The following DDX60L variants were observed in gnomAD, a reference collection of about 807,000 sequenced individuals.
DDX60L encodes probable ATP-dependent RNA helicase DDX60-like.
Under a neutral mutation model 211.6 loss-of-function variants are expected in DDX60L, and 191 were observed. That is an observed-to-expected ratio of 0.90 (90% CI 0.80 to 1.02). The LOEUF is 1.02. DDX60L is among the 50% of genes least tolerant of loss of function. The pLI is 0.00. For missense variants in DDX60L, 2,007 were observed against 1,984.1 expected (o/e 1.01, Z -0.22); for synonymous variants, 706 against 694.1 (o/e 1.02, Z -0.27).
At chr4:168,466,555 C>T (rs1315456232) in intron 4 of DDX60L, among the ~76,000 whole-genome samples, 3 of 152,072 alleles carry the variant, frequency 2.0e-5, no homozygotes, top group Non-Finnish European at 2.9e-5. Flanking sequence ...ATTTATCATT[C>T]GAAAATAGAG....
In DDX60L at chr4:168,378,472, G is replaced by T; in HGVS notation, c.4367C>A (p.Ser1456Ter). ...HNLCKPAWKG[S>*]QQFSQDVMEK... ...CATCACATCTTGGGAAAATTGTTGT[G>T]AGCCTATTGAAATAAAGAGCATTAT... is the stretch of plus-strand genomic sequence containing the variant. The change falls in exon 33 of 38, where the codon TCA becomes TAA. Residue 1456 changes from serine to a stop codon, truncating the protein, a stop_gained. Coordinates refer to ENST00000682922, the MANE Select transcript of DDX60L (RefSeq NM_001012967.3). LOFTEE classifies it high-confidence loss of function. 6.4e-7 allele frequency: 1 copy of T among 1,557,444 alleles called. No individual in the cohort carries two copies. Among genetic ancestry groups the T allele is most frequent in the Non-Finnish European group, 8.7e-7 (1 of 1,149,990 alleles).
At chr4:168,479,104 G>T (rs1427954576) in intron 1 of DDX60L, among the ~76,000 whole-genome samples, 1 of 149,220 alleles carries the variant, frequency 6.7e-6, no homozygotes, top group East Asian at 2.0e-4. Flanking sequence ...TGGATGGACG[G>T]ATGGTTGGAT....
In DDX60L at chr4:168,405,830, G is replaced by C. The variant is rs533885662; in HGVS notation, c.3213+120C>G. ...ACTCACTGGATAACATGTTTAAATG[G>C]AATTACTAAAACAAAAATCGGAATA... is the stretch of plus-strand genomic sequence containing the variant. On this transcript the variant is annotated intron_variant, in intron 24 of 37. Coordinates refer to ENST00000682922, the MANE Select transcript of DDX60L (RefSeq NM_001012967.3). The C allele has an allele frequency of 7.4e-6, 8 of 1,082,168 alleles. No homozygotes were observed. In the South Asian group the frequency reaches 1.4e-4, roughly 19 times the overall value. The allele number at this position is 1,082,168 out of a possible 1,614,324, so 67.0% of individuals were successfully genotyped here.
At chr4:168,436,092 C>G (rs1050952337) in intron 10 of DDX60L, among the ~76,000 whole-genome samples, 18 of 152,096 alleles carry the variant, frequency 1.2e-4, no homozygotes, top group Non-Finnish European at 2.4e-4. Flanking sequence ...CCTGGGGGAG[C>G]CTTTGTGAAT....
intron 9 of DDX60L, among the ~76,000 whole-genome samples, chr4:168,447,814 T>A (rs1755050274): frequency 7.3e-6 from 1 of 137,412 alleles, no homozygotes; most frequent in African/African-American, 2.8e-5. Context: ...CACTCATAGG[T>A]GGGAATTGAA....
intron 1 of DDX60L, among the ~76,000 whole-genome samples, chr4:168,477,177 A>T (rs997312614): frequency 1.3e-5 from 2 of 152,182 alleles, no homozygotes; most frequent in Non-Finnish European, 2.9e-5. Context: ...GCACTTTGGG[A>T]GGCCAAGGCG....
At chr4:168,420,682 T>TAGATAGACAGAC (rs869089882) in intron 17 of DDX60L, among the ~76,000 whole-genome samples, 5 of 127,602 alleles carry the variant, frequency 3.9e-5, no homozygotes, top group African/African-American at 1.7e-4. Context: ...GATAGATAGA[T>TAGATAGACAGAC]AGACAGACAG....
At chr4:168,455,529 T>C (rs536445008) in intron 7 of DDX60L, among the ~76,000 whole-genome samples, 2 of 152,298 alleles carry the variant, frequency 1.3e-5, no homozygotes, top group South Asian at 2.1e-4. Context: ...GGCTGCCTTT[T>C]ACCATGTGAT....
At chr4:168,458,509 T>C (rs903300022) in intron 5 of DDX60L, among the ~76,000 whole-genome samples, 1 of 152,166 alleles carries the variant, frequency 6.6e-6, no homozygotes, top group Non-Finnish European at 1.5e-5. Flanking sequence ...CACAGGGACA[T>C]GGATGGAGCT....
intron 37 of DDX60L, among the ~76,000 whole-genome samples, chr4:168,358,524 CTTTTTTTTTT>C (rs70961514): frequency 1.8e-5 from 2 of 108,306 alleles, no homozygotes; most frequent in African/African-American, 6.4e-5. Context: ...TTTTCTTTTT[CTTTTTTTTTT>C]TTTTTTTTTT....
chr4:168,452,136 T>C (rs145135419), intron 8 of DDX60L, among the ~76,000 whole-genome samples: 2 of 152,338 alleles, frequency 1.3e-5, no homozygotes, highest in African/African-American at 4.8e-5. Context: ...CCTTGGTGCT[T>C]ATCACAGTGA....
intron 7 of DDX60L, among the ~76,000 whole-genome samples, chr4:168,453,542 G>T (rs991189475): frequency 6.6e-6 from 1 of 152,178 alleles, no homozygotes; most frequent in Non-Finnish European, 1.5e-5. Flanking sequence ...AGCAAAGGAA[G>T]TCCCTGACCC....
At chr4:168,460,008 T>C (rs1368644362) in intron 5 of DDX60L, among the ~76,000 whole-genome samples, 1 of 152,242 alleles carries the variant, frequency 6.6e-6, no homozygotes, top group Non-Finnish European at 1.5e-5. Context: ...TTTATTGCCA[T>C]GTTGTACATT....
intron 22 of DDX60L, among the ~76,000 whole-genome samples, chr4:168,412,275 G>C (rs1027589227): frequency 2.6e-5 from 4 of 152,054 alleles, no homozygotes; most frequent in African/African-American, 9.7e-5. Context: ...GTAGAGCACT[G>C]AGCAGGCTCT....
chr4:168,415,888 G>T, intron 20 of DDX60L, 89 bp from the exon 21 acceptor site: 1 of 1,235,528 alleles, frequency 8.1e-7, no homozygotes, highest in Non-Finnish European at 1.1e-6. Context: ...AATTTCACAA[G>T]TTTAAAAATT....
chr4:168,423,457 A>G (rs2149892068), intron 15 of DDX60L, 151 bp downstream of exon 15: 2,024 of 330,270 alleles, frequency 6.1e-3, no homozygotes, highest in East Asian at 0.015. Flanking sequence ...TTAATAAGTA[A>G]TCTCATATCT....
chr4:168,411,675 T>C (rs1748696183), intron 22 of DDX60L, among the ~76,000 whole-genome samples: 1 of 152,126 alleles, frequency 6.6e-6, no homozygotes, highest in East Asian at 1.9e-4. Flanking sequence ...CCACAAGGAC[T>C]ACAATTCCTG....
chr4:168,379,691 GT>G, intron 31 of DDX60L, 34 bp downstream of exon 31: 4 of 1,535,114 alleles, frequency 2.6e-6, no homozygotes, highest in Non-Finnish European at 3.6e-6. Context: ...CACGGTACTA[GT>G]TACAGAGAAC....
intron 6 of DDX60L, among the ~76,000 whole-genome samples, chr4:168,456,415 A>G (rs1362292257): frequency 6.6e-6 from 1 of 152,170 alleles, no homozygotes; most frequent in African/African-American, 2.4e-5. Flanking sequence ...TAAAACATGA[A>G]CTGATTCACA....
Sources: gnomAD v4.1 joint callset for allele counts (sites outside exome capture counted in the v4.1 genomes callset) on GRCh38, gnomAD v4.1.1 for gene constraint, MANE v1.5 for transcripts, NCBI Gene and HGNC (gene_info 2026-07-23, HGNC 2026-07-21) for gene names.